ANO4: variants seen among roughly 807,000 people sequenced by gnomAD.
The protein encoded by ANO4 is anoctamin 4, also known as anoctamin-4.
A neutral mutation model predicts 141.9 loss-of-function variants in ANO4; 69 were observed. The observed-to-expected ratio is 0.49, with a 90% CI of 0.40 to 0.59. ANO4 has a LOEUF of 0.59. ANO4 is among the 20% of genes least tolerant of loss of function. The probability of loss-of-function intolerance (pLI) is 0.00; values close to 1 mark genes in which losing one functional copy is unlikely to be tolerated. For synonymous variants in ANO4, 350 were observed against 394.3 expected, an observed-to-expected ratio of 0.89 and a Z score of 1.33; for missense variants, 894 against 1,162.2, an observed-to-expected ratio of 0.77 and a Z score of 3.36.
At chr12:100,996,211 G>A (rs2045361144) in intron 8 of ANO4, among the ~76,000 whole-genome samples, 1 of 152,182 alleles carries the variant, frequency 6.6e-6, no homozygotes, top group South Asian at 2.1e-4. Context: ...TACAAAATGG[G>A]CATTATAAAA....
intron 1 of ANO4, 112 bp downstream of exon 1, chr12:100,795,139 A>G (rs1019803731): frequency 6.5e-6 from 1 of 152,722 alleles, no homozygotes; most frequent in Non-Finnish European, 1.5e-5. Context: ...CTCTGTTTTC[A>G]TGGATCTTGT....
intron 9 of ANO4, among the ~76,000 whole-genome samples, chr12:101,036,475 A>G (rs1255746648): frequency 6.6e-6 from 1 of 152,194 alleles, no homozygotes; most frequent in Non-Finnish European, 1.5e-5. Flanking sequence ...GAATGGATAA[A>G]GGAATTGTGG....
intron 14 of ANO4, chr12:101,069,375 T>A: frequency 1.8e-6 from 1 of 570,226 alleles, no homozygotes; most frequent in South Asian, 2.0e-5. Context: ...TTTCTACAAA[T>A]CTTAACATTT....
chr12:100,759,550 C>T (rs994164370), intron 3 of ANO4, among the ~76,000 whole-genome samples: 2 of 152,166 alleles, frequency 1.3e-5, no homozygotes, highest in African/African-American at 4.8e-5. Flanking sequence ...TGGTAAGACC[C>T]GAGAACCCTC....
At position 100,846,100 on chromosome 12, in the gene ANO4, T is replaced by G. The variant is rs143394988; in HGVS notation, c.-141+51073T>G. On this transcript the variant is annotated intron_variant, in intron 1 of 27. Coordinates refer to ENST00000392977, the MANE Select transcript of ANO4 (RefSeq NM_001286615.2). Reference sequence around the variant, plus strand: ...TTATAAGACATTGATCTTGTAGTTATGAGGCATATATGAGATTGCAAATTA... The same window carrying G: ...TTATAAGACATTGATCTTGTAGTTAGGAGGCATATATGAGATTGCAAATTA... 1.9e-3 allele frequency among the ~76,000 whole-genome samples: 293 copies of G among 152,356 alleles called. 1 individual carries two copies. Among genetic ancestry groups the G allele is most frequent in the African/African-American group, 6.4e-3 (266 of 41,582 alleles).
chr12:101,032,950 C>T (rs143036143), intron 9 of ANO4, among the ~76,000 whole-genome samples: 26 of 150,360 alleles, frequency 1.7e-4, no homozygotes, highest in Non-Finnish European at 2.5e-4. Context: ...CCATTTGACC[C>T]AGCCATCCCA....
Position 101,042,406 on chromosome 12 carries a change from T to G in ANO4, c.1092T>G (p.Ala364=), listed in dbSNP as rs565844450. The change falls in exon 12 of 28, where the codon GCT becomes GCG. Residue 364 remains alanine, a synonymous_variant. Transcript: ENST00000392977. The part of the protein sequence containing the change: ...LGWYTGMLFP[A]AFIGLFVFLY... ...GGTACACCGGCATGCTCTTCCCAGC[T>G]GCCTTCATTGGATTGTTTGTCTTTT... 164 of 1,614,198 alleles carry G rather than the reference T, an allele frequency of 1.0e-4. No homozygotes were observed. The South Asian group carries it at 1.7e-3, about 16-fold the overall frequency.
chr12:100,771,909 G>T (rs2033317049), intron 3 of ANO4, among the ~76,000 whole-genome samples: 1 of 152,218 alleles, frequency 6.6e-6, no homozygotes, highest in Non-Finnish European at 1.5e-5. Flanking sequence ...CTGGTGTGGG[G>T]AGGGCAGCAT....
intron 5 of ANO4, among the ~76,000 whole-genome samples, chr12:100,957,997 G>C (rs1592837021): frequency 6.6e-6 from 1 of 152,104 alleles, no homozygotes; most frequent in African/African-American, 2.4e-5. Flanking sequence ...CATGAGCCAT[G>C]CCCAGCCACA....
rs1255778192 is a variant in ANO4 at position 100,813,647 on chromosome 12, T to TG, written c.-141+18624dup. The stretch of plus-strand genomic sequence containing the variant: ...TATGCTACATTGGGATAAAACTCTG[T>TG]GGGGAAGTGGGCTGGATATGAGTTA... On this transcript the variant is annotated intron_variant, in intron 1 of 27. Coordinates refer to ENST00000392977, the MANE Select transcript of ANO4 (RefSeq NM_001286615.2). Among the ~76,000 whole-genome samples, 3 of 152,224 alleles carry TG rather than the reference T, an allele frequency of 2.0e-5. No homozygotes were observed. The East Asian group carries it at 5.8e-4, about 29-fold the overall frequency.
intron 3 of ANO4, among the ~76,000 whole-genome samples, chr12:100,745,098 C>T (rs529333633): frequency 2.0e-4 from 31 of 152,272 alleles, no homozygotes; most frequent in Admixed American, 1.5e-3. Context: ...GGTACAGGTA[C>T]GTAAGGGCCT....
intron 2 of ANO4, among the ~76,000 whole-genome samples, chr12:100,919,726 G>GTGTA (rs201155811): frequency 0.057 from 7,532 of 131,652 alleles, 296 homozygotes; most frequent in Middle Eastern, 0.13. Flanking sequence ...GTATGTATGT[G>GTGTA]TGTATGTATG....
chr12:100,814,301 T>C (rs1459281684), intron 1 of ANO4, among the ~76,000 whole-genome samples: 1 of 152,188 alleles, frequency 6.6e-6, no homozygotes, highest in Non-Finnish European at 1.5e-5. Context: ...GTTTACCAAG[T>C]TGTGAAGTCA....
chr12:101,065,869 A>G (rs1379180238), intron 14 of ANO4, among the ~76,000 whole-genome samples: 1 of 152,200 alleles, frequency 6.6e-6, no homozygotes, highest in Non-Finnish European at 1.5e-5. Context: ...TCAACAAAAT[A>G]TTGGCAATCA....
At chr12:101,085,683 G>A (rs573960587) in intron 16 of ANO4, among the ~76,000 whole-genome samples, 2 of 152,116 alleles carry the variant, frequency 1.3e-5, no homozygotes, top group Admixed American at 1.3e-4. Flanking sequence ...ATGCTGTATT[G>A]TTCTCAAATG....
At chr12:100,917,981 A>G (rs1412458190) in intron 2 of ANO4, among the ~76,000 whole-genome samples, 1 of 152,164 alleles carries the variant, frequency 6.6e-6, no homozygotes, top group Non-Finnish European at 1.5e-5. Flanking sequence ...ATAATTATTA[A>G]TCTCCACAAT....
chr12:100,934,952 G>A (rs373267210), intron 3 of ANO4, among the ~76,000 whole-genome samples: 26 of 152,162 alleles, frequency 1.7e-4, no homozygotes, highest in Middle Eastern at 3.4e-3. Context: ...GTATCCTGAG[G>A]CTTTGCTGAA....
chr12:100,790,310 G>T (rs2135608824), upstream of ANO4, among the ~76,000 whole-genome samples: 1 of 152,314 alleles, frequency 6.6e-6, no homozygotes, highest in Non-Finnish European at 1.5e-5. Context: ...GTTACAAGGG[G>T]ATGGCATGAT....
intron 22 of ANO4, among the ~76,000 whole-genome samples, chr12:101,106,037 T>C (rs913895541): frequency 2.0e-5 from 3 of 152,042 alleles, no homozygotes; most frequent in Admixed American, 2.0e-4. Flanking sequence ...ACTGAGGAAG[T>C]GGAGGTTGCA....
Sources: gnomAD v4.1 joint callset for allele counts (sites outside exome capture counted in the v4.1 genomes callset) on GRCh38, gnomAD v4.1.1 for gene constraint, MANE v1.5 for transcripts, NCBI Gene and HGNC (gene_info 2026-07-23, HGNC 2026-07-21) for gene names.